LCORL: variants seen among roughly 807,000 people sequenced by gnomAD.
The protein encoded by LCORL is ligand dependent nuclear receptor corepressor like.
In LCORL, 41 loss-of-function variants were observed where a neutral mutation model predicts 141.8. The ratio of observed to expected loss-of-function variants is 0.29; its 90% CI spans 0.23 to 0.38. The LOEUF (loss-of-function observed/expected upper bound fraction) is 0.38, where lower values mean the gene tolerates loss of function less well. LCORL is among the 10% of genes least tolerant of loss of function. LCORL has a pLI of 1.00. For synonymous variants in LCORL, 618 were observed against 694.1 expected (o/e 0.89, Z 1.72); for missense variants, 1,759 against 2,035.0 (o/e 0.86, Z 2.61).
intron 2 of LCORL, among the ~76,000 whole-genome samples, chr4:17,966,403 T>C (rs998731070): frequency 2.0e-5 from 3 of 152,068 alleles, no homozygotes; most frequent in African/African-American, 7.2e-5. Context: ...TTGATAACTT[T>C]AAATAAAATG....
intron 2 of LCORL, among the ~76,000 whole-genome samples, chr4:17,968,778 T>C (rs1194560712): frequency 6.6e-6 from 1 of 152,228 alleles, no homozygotes. Flanking sequence ...GAATTTCATA[T>C]AATTTTCATG....
chr4:17,850,502 A>T (rs1478378844), intron 7 of LCORL, among the ~76,000 whole-genome samples: 3 of 152,264 alleles, frequency 2.0e-5, no homozygotes, highest in Non-Finnish European at 2.9e-5. Flanking sequence ...GAAGAGATTT[A>T]TGCAGCCAAC....
intron 1 of LCORL, among the ~76,000 whole-genome samples, chr4:18,015,038 T>C (rs1158683813): frequency 6.6e-6 from 1 of 152,174 alleles, no homozygotes; most frequent in Non-Finnish European, 1.5e-5. Flanking sequence ...CCACCAAAAA[T>C]GTAGGTTATT....
chr4:18,012,062 G>T (rs1485467880), intron 1 of LCORL, among the ~76,000 whole-genome samples: 1 of 152,130 alleles, frequency 6.6e-6, no homozygotes, highest in Non-Finnish European at 1.5e-5. Flanking sequence ...CCATAAAATA[G>T]AACTCCCACA....
intron 4 of LCORL, among the ~76,000 whole-genome samples, chr4:17,957,172 G>A (rs765358980): frequency 6.6e-6 from 1 of 151,840 alleles, no homozygotes; most frequent in Non-Finnish European, 1.5e-5. Flanking sequence ...ATAGTATTTG[G>A]GAGGAAGAAA....
intron 4 of LCORL, among the ~76,000 whole-genome samples, chr4:17,961,492 A>G (rs1713777171): frequency 6.6e-6 from 1 of 152,160 alleles, no homozygotes; most frequent in Non-Finnish European, 1.5e-5. Context: ...AACCAAGCTG[A>G]TAAGTGATTT....
chr4:17,938,965 G>A (rs1737356162), intron 4 of LCORL, among the ~76,000 whole-genome samples: 1 of 152,014 alleles, frequency 6.6e-6, no homozygotes, highest in African/African-American at 2.4e-5. Context: ...ACTAATTAGG[G>A]ACAAAGTCTA....
chr4:17,934,820 C>T (rs7663818), intron 4 of LCORL, among the ~76,000 whole-genome samples: 34,987 of 152,080 alleles, frequency 0.23, 5,031 homozygotes, highest in African/African-American at 0.4. Flanking sequence ...ATTAGTAAAA[C>T]TGTTTTTCTT....
At chr4:17,893,503 G>GC (rs1363868607) in intron 5 of LCORL, 11 of 985,278 alleles carry the variant, frequency 1.1e-5, no homozygotes, top group Middle Eastern at 1.0e-3. Flanking sequence ...GCTGAGCACT[G>GC]CGAGTGTGTT....
chr4:17,876,425 T>C, exon 7 of LCORL: 1 of 1,230,928 alleles, frequency 8.1e-7, no homozygotes, highest in Non-Finnish European at 1.0e-6. Flanking sequence ...CTTCTGATAA[T>C]GGCTGATTAT....
At chr4:17,916,239 G>A (rs1196118037) in intron 4 of LCORL, among the ~76,000 whole-genome samples, 1 of 152,178 alleles carries the variant, frequency 6.6e-6, no homozygotes. Flanking sequence ...TCAGGCAGAT[G>A]GATTTGAGAC....
intron 4 of LCORL, 62 bp from the exon 5 acceptor site, chr4:17,909,407 A>C: frequency 8.1e-7 from 1 of 1,231,254 alleles, no homozygotes; most frequent in Non-Finnish European, 1.1e-6. Context: ...CCAACATTTA[A>C]ATTTATTTTT....
At chr4:17,991,787 A>T (rs724577) in intron 1 of LCORL, among the ~76,000 whole-genome samples, 1 of 151,946 alleles carries the variant, frequency 6.6e-6, no homozygotes, top group Non-Finnish European at 1.5e-5. Flanking sequence ...AATTTCAAGC[A>T]TGCCCTCCTT....
rs375705018 is a variant in LCORL at position 17,904,052 on chromosome 4, TA to T, written c.682+5041del. Among the ~76,000 whole-genome samples the T allele has an allele frequency of 7.2e-3, 1,089 of 151,744 alleles. 17 individuals are homozygous for T. Among genetic ancestry groups the T allele is most frequent in the African/African-American group, 0.024 (998 of 41,438 alleles). ...CAGTAAAGTAAAACGCTGTTGCAGA[TA>T]AAAAAAATATAAAACAATGAGTATA... On this transcript the variant is annotated intron_variant, in intron 5 of 7. Transcript: ENST00000635767.
Position 17,884,243 on chromosome 4 carries a change from C to A in LCORL, c.776+1825G>T, listed in dbSNP as rs1326311633. 2 of 1,550,762 alleles carry A rather than the reference C, an allele frequency of 1.3e-6. No individual in the cohort carries two copies. The highest frequency in any genetic ancestry group is 1.7e-6 in the Non-Finnish European group (2 of 1,146,398). ...ATACATAACATCCAACAGACCAGAACCATCAGGTTGTGATTTTGAGACAGA... is the reference window on the plus strand; with the variant it reads ...ATACATAACATCCAACAGACCAGAAACATCAGGTTGTGATTTTGAGACAGA... On this transcript the variant is annotated intron_variant, in intron 6 of 7. Transcript: ENST00000635767. This position sits in a 1 kb window ranked among gnomAD's most constrained non-coding sequence, Gnocchi z 4.4.
chr4:17,909,706 G>A (rs554818708), intron 4 of LCORL, among the ~76,000 whole-genome samples: 1 of 152,102 alleles, frequency 6.6e-6, no homozygotes, highest in South Asian at 2.1e-4. Flanking sequence ...AATATAAATT[G>A]TATAAGTAAC....
chr4:17,877,145 G>A (rs1360349899), exon 7 of LCORL: 5 of 1,230,608 alleles, frequency 4.1e-6, no homozygotes, highest in African/African-American at 3.1e-5. Flanking sequence ...CAGAGGAGTT[G>A]CGCATTGCAA....
intron 1 of LCORL, among the ~76,000 whole-genome samples, chr4:17,981,907 T>C (rs770287536): frequency 1.3e-5 from 2 of 152,116 alleles, no homozygotes; most frequent in Non-Finnish European, 1.5e-5. Context: ...ACACCCTCCA[T>C]CCTCAAGCAG....
chr4:17,888,931 C>T (rs576923848), intron 5 of LCORL, among the ~76,000 whole-genome samples: 1 of 152,140 alleles, frequency 6.6e-6, no homozygotes, highest in African/African-American at 2.4e-5. Flanking sequence ...AACACATTCC[C>T]CTAAGTCTGT....
Sources: allele counts gnomAD v4.1 joint callset (sites outside exome capture counted in the v4.1 genomes callset), GRCh38; gene constraint gnomAD v4.1.1; non-coding constraint Gnocchi (gnomAD v3.1); transcripts MANE v1.5; gene names NCBI Gene and HGNC (gene_info 2026-07-23, HGNC 2026-07-21).